LMTK2: variants seen among roughly 807,000 people sequenced by gnomAD.
LMTK2 encodes the protein lemur tail kinase 2.
LMTK2 carries 37 observed loss-of-function variants against 127.5 expected under a neutral mutation model. The ratio of observed to expected loss-of-function variants is 0.29; its 90% confidence interval spans 0.22 to 0.38. LMTK2 has a LOEUF of 0.38. Ranked by LOEUF, LMTK2 falls within the 10% of genes least tolerant of loss-of-function variation. LMTK2 has a pLI of 1.00. For missense variants in LMTK2, 1,694 were observed against 1,920.3 expected, an observed-to-expected ratio of 0.88 and a Z score of 2.20; for synonymous variants, 819 against 810.1, an observed-to-expected ratio of 1.01 and a Z score of -0.19.
intron 7 of LMTK2, among the ~76,000 whole-genome samples, chr7:98,181,935 T>G (rs920993813): frequency 3.3e-5 from 5 of 152,138 alleles, no homozygotes; most frequent in African/African-American, 1.2e-4. Context: ...GGGATTACAG[T>G]TGTGAGCCAC....
rs1191142758 is a variant in LMTK2, at chr7:98,207,552, A to G, written c.*2060A>G. 1 of 151,820 alleles carries G rather than the reference A, an allele frequency of 6.6e-6. No individual in the cohort carries two copies. Among genetic ancestry groups the G allele is most frequent in the Non-Finnish European group, 1.5e-5 (1 of 67,980 alleles). 9.4% of individuals were successfully genotyped at this position (151,820 alleles called of 1,614,324 possible). On this transcript the variant is annotated 3_prime_UTR_variant, in exon 14 of 14. Coordinates refer to ENST00000297293, the MANE Select transcript of LMTK2 (RefSeq NM_014916.4). ...CAGGGCATTAGAAGATGATTTTGCC[A>G]AAATTGTCATGACTCTGAATTCTTG... is the stretch of plus-strand genomic sequence containing the variant.
intron 1 of LMTK2, among the ~76,000 whole-genome samples, chr7:98,134,424 T>A (rs2116353915): frequency 6.6e-6 from 1 of 152,288 alleles, no homozygotes; most frequent in South Asian, 2.1e-4. Flanking sequence ...TTAAAAACAA[T>A]CAATAAAAAA....
chr7:98,156,671 C>A (rs1452776976), intron 5 of LMTK2, among the ~76,000 whole-genome samples: 1 of 152,122 alleles, frequency 6.6e-6, no homozygotes, highest in East Asian at 1.9e-4. Flanking sequence ...TCCAGAGGAA[C>A]AGAACCAATA....
chr7:98,133,162 C>G (rs951988), intron 1 of LMTK2, among the ~76,000 whole-genome samples: 62,624 of 152,020 alleles, frequency 0.41, 13,367 homozygotes, highest in South Asian at 0.53. Context: ...TTCCGCCAGA[C>G]CTCATGTGGT....
In LMTK2 at chr7:98,140,214, C is replaced by G. The variant is rs1180328755; in HGVS notation, c.232-1183C>G. Among the ~76,000 whole-genome samples, 3 of 148,640 alleles carry G rather than the reference C, an allele frequency of 2.0e-5. No homozygotes were observed. The East Asian group carries it at 5.9e-4, about 29-fold the overall frequency. On this transcript the variant is annotated intron_variant, in intron 2 of 13. Transcript: ENST00000297293. ...TTTCTGTCTTTGAGATGGTCTCGCT[C>G]TATCACCCAGCCTTGACCTCCCAGG...
In LMTK2 at chr7:98,193,713, G is replaced by A. The variant is rs780203709; in HGVS notation, c.3248G>A (p.Arg1083Lys). ...ATCTCAGATGCCGGCGATGGTCACA[G>A]AGGCACAGAAGTGACCCCTGAGACG... ...IVISDAGDGH[R>K]GTEVTPETFT... The change falls in exon 11 of 14, where the codon AGA (arginine) becomes AAA (lysine). Residue 1083 changes from arginine to lysine, a missense_variant. Transcript: ENST00000297293. This position sits in a 1 kb window ranked among gnomAD's most constrained non-coding sequence, Gnocchi z 4.1. The A allele has an allele frequency of 2.5e-6, 4 of 1,613,834 alleles. No homozygotes were observed. The Admixed American group carries it at 6.7e-5, about 27-fold the overall frequency.
chr7:98,191,747 G>T lies in LMTK2; in HGVS notation c.1282G>T (p.Ala428Ser), dbSNP rs747956833. ...GGTCGACTTTGAACAGCAGTGGAACGCTCTGAAGCCGAACACAAACAGCAG... is the reference window on the plus strand; with the variant it reads ...GGTCGACTTTGAACAGCAGTGGAACTCTCTGAAGCCGAACACAAACAGCAG... Reference protein sequence around the residue: ...SEVDFEQQWNALKPNTNSRDS... With the variant: ...SEVDFEQQWNSLKPNTNSRDS... Residue 428 changes from alanine to serine, a missense_variant, in exon 11 of 14, where the codon GCT becomes TCT. By Grantham distance (99) the Ala-to-Ser change is moderately conservative. Coordinates refer to ENST00000297293, the MANE Select transcript of LMTK2 (RefSeq NM_014916.4). 5.0e-6 allele frequency: 8 copies of T among 1,614,130 alleles called. No individual in the cohort carries two copies. The South Asian group carries it at 7.7e-5, about 16-fold the overall frequency.
At chr7:98,186,763 TGACC>T in intron 8 of LMTK2, 110 bp from the exon 9 acceptor site, 1 of 925,474 alleles carries the variant, frequency 1.1e-6, no homozygotes, top group Admixed American at 2.9e-5. Flanking sequence ...CTTTTTTTTC[TGACC>T]TGGTTTTTGG....
chr7:98,137,771 C>G (rs7341519), intron 2 of LMTK2, among the ~76,000 whole-genome samples: 28,999 of 152,100 alleles, frequency 0.19, 3,256 homozygotes, highest in African/African-American at 0.31. Flanking sequence ...TAACCACTTG[C>G]CTGTGGTGAG....
rs936514617 is a variant in LMTK2 at position 98,194,394 on chromosome 7, CGGA to C, written c.3933_3935del (p.Glu1311del). The C allele has an allele frequency of 6.2e-7, 1 of 1,614,034 alleles. No individual in the cohort carries two copies. Among genetic ancestry groups the C allele is most frequent in the African/African-American group, 1.3e-5 (1 of 74,910 alleles). On this transcript the variant is annotated inframe_deletion, in exon 11 of 14. Coordinates refer to ENST00000297293, the MANE Select transcript of LMTK2 (RefSeq NM_014916.4). The surrounding 1 kb of genome is among the most constrained non-coding windows in gnomAD (Gnocchi z 5.4). The stretch of plus-strand genomic sequence containing the variant: ...AACCTGCATAGCCTCAGCTCCGAGT[CGGA>C]GGACGAGACCGAGCACCCCGTGCCC...
intron 1 of LMTK2, among the ~76,000 whole-genome samples, chr7:98,116,999 C>T (rs891746725): frequency 6.6e-6 from 1 of 152,210 alleles, no homozygotes; most frequent in African/African-American, 2.4e-5. Flanking sequence ...GTGCCATTCT[C>T]ATCACATCAC....
Position 98,208,614 on chromosome 7 carries a change from A to G in LMTK2, c.*3122A>G, listed in dbSNP as rs1797844166. 6.6e-6 allele frequency: 1 copy of G among 152,224 alleles called. No individual in the cohort carries two copies. The allele number at this position is 152,224 out of a possible 1,614,324, so 9.4% of individuals were successfully genotyped here. A position where few individuals can be genotyped will look rare whatever the true frequency, so the allele number is the denominator to read the frequency against. ...CATTTTAAATCCTATAACAAAAATA[A>G]TCTAGTTTTCATTTCCTTACTAGCT... On this transcript the variant is annotated 3_prime_UTR_variant, in exon 14 of 14. Coordinates refer to ENST00000297293, the MANE Select transcript of LMTK2 (RefSeq NM_014916.4).
At chr7:98,117,921 C>T (rs545361969) in intron 1 of LMTK2, among the ~76,000 whole-genome samples, 24 of 152,220 alleles carry the variant, frequency 1.6e-4, no homozygotes, top group Middle Eastern at 3.4e-3. Flanking sequence ...GAGCCGAGAT[C>T]GGACCACTGC....
chr7:98,122,716 GTGTGTGTGTGTA>G (rs1408559384), intron 1 of LMTK2, among the ~76,000 whole-genome samples: 19 of 31,212 alleles, frequency 6.1e-4, no homozygotes, highest in East Asian at 3.1e-3. Context: ...GTGTGTGTGT[GTGTGTGTGTGTA>G]TATATATAAC....
At position 98,191,974 on chromosome 7, in the gene LMTK2, C is replaced by A; in HGVS notation, c.1509C>A (p.Ile503=). Reference sequence around the variant, plus strand: ...ACGAAGGCTTGTCCTACACGAGCATCTTCTATCCGGTTGAAGTTTTTGAGA... The same window carrying A: ...ACGAAGGCTTGTCCTACACGAGCATATTCTATCCGGTTGAAGTTTTTGAGA... ...HLDEGLSYTS[I]FYPVEVFESS... Residue 503 remains isoleucine, a synonymous_variant, in exon 11 of 14, where the codon ATC becomes ATA. Transcript: ENST00000297293. 6.2e-7 allele frequency: 1 copy of A among 1,614,046 alleles called. No homozygotes were observed.
chr7:98,181,562 A>G (rs1420295967), intron 7 of LMTK2, among the ~76,000 whole-genome samples: 1 of 152,228 alleles, frequency 6.6e-6, no homozygotes, highest in Non-Finnish European at 1.5e-5. Flanking sequence ...ACAGTAATCA[A>G]AACAGTGTTG....
At chr7:98,131,257 A>G (rs1397530483) in intron 1 of LMTK2, among the ~76,000 whole-genome samples, 2 of 152,244 alleles carry the variant, frequency 1.3e-5, no homozygotes, top group Admixed American at 1.3e-4. Flanking sequence ...CAGATTTCCA[A>G]TAGCCTGAAA....
At chr7:98,129,921 A>G (rs769582490) in intron 1 of LMTK2, among the ~76,000 whole-genome samples, 2 of 152,092 alleles carry the variant, frequency 1.3e-5, no homozygotes, top group Admixed American at 6.6e-5. Context: ...TGGGGAAGGC[A>G]TATGGGCATT....
intron 1 of LMTK2, among the ~76,000 whole-genome samples, chr7:98,123,916 T>C (rs1377523239): frequency 6.6e-6 from 1 of 152,170 alleles, no homozygotes; most frequent in Non-Finnish European, 1.5e-5. Flanking sequence ...TCAATTTCAT[T>C]TGATTTCCAG....
Sources: allele counts gnomAD v4.1 joint callset (sites outside exome capture counted in the v4.1 genomes callset), GRCh38; gene constraint gnomAD v4.1.1; non-coding constraint Gnocchi (gnomAD v3.1); transcripts MANE v1.5; gene names NCBI Gene and HGNC (gene_info 2026-07-23, HGNC 2026-07-21).